TLN2: variants seen among roughly 807,000 people sequenced by gnomAD.
TLN2 encodes talin 2.
Under a neutral mutation model 294.7 loss-of-function variants are expected in TLN2, and 118 were observed. The ratio of observed to expected loss-of-function variants is 0.40; its 90% CI spans 0.34 to 0.47. TLN2 has a LOEUF of 0.47. TLN2 is among the 20% of genes least tolerant of loss of function. The probability of loss-of-function intolerance (pLI) is 0.84; values close to 1 mark genes in which losing one functional copy is unlikely to be tolerated. For missense variants in TLN2, 3,083 were observed against 3,282.2 expected (o/e 0.94, Z 1.48); for synonymous variants, 1,431 against 1,304.5 (o/e 1.10, Z -2.09).
At chr15:62,430,781 C>A (rs2140288611) in intron 1 of TLN2, among the ~76,000 whole-genome samples, 1 of 152,146 alleles carries the variant, frequency 6.6e-6, no homozygotes, top group East Asian at 1.9e-4. Context: ...AGGGAACAAT[C>A]CACAAGGTAA....
At chr15:62,552,322 G>A (rs924483852) in intron 1 of TLN2, among the ~76,000 whole-genome samples, 7 of 152,034 alleles carry the variant, frequency 4.6e-5, no homozygotes, top group South Asian at 2.1e-4. Flanking sequence ...CATTATTCAC[G>A]GATTCCATAT....
intron 2 of TLN2, among the ~76,000 whole-genome samples, chr15:62,617,962 C>CTTT (rs768055599): frequency 4.4e-5 from 6 of 136,132 alleles, no homozygotes; most frequent in Admixed American, 7.4e-5. Context: ...TCAGGCAATT[C>CTTT]TTTTTTTTTT....
At chr15:62,759,657 G>C (rs1353335762) in intron 37 of TLN2, among the ~76,000 whole-genome samples, 3 of 152,220 alleles carry the variant, frequency 2.0e-5, no homozygotes, top group African/African-American at 7.2e-5. Context: ...GAGGTAAGAA[G>C]CAGGAAGGGC....
rs2059876653 is a variant in TLN2 at position 62,717,758 on chromosome 15, C to T, written c.2877+69C>T. On this transcript the variant is annotated intron_variant, in intron 24 of 58. Transcript: ENST00000636159. ...CCTGATAACATTAGAACACCAAGTCCCCTGGTAGTTCAGTAAAGACAGATT... is the reference window on the plus strand; with the variant it reads ...CCTGATAACATTAGAACACCAAGTCTCCTGGTAGTTCAGTAAAGACAGATT... The T allele has an allele frequency of 3.5e-6, 4 of 1,132,598 alleles. No individual in the cohort carries two copies. The African/African-American group carries it at 4.7e-5, about 13-fold the overall frequency. 70.2% of individuals were successfully genotyped at this position (1,132,598 alleles called of 1,614,324 possible).
intron 26 of TLN2, 124 bp from the exon 27 acceptor site, chr15:62,724,852 G>C: frequency 8.0e-7 from 1 of 1,250,666 alleles, no homozygotes; most frequent in South Asian, 2.0e-5. Flanking sequence ...TGCTTTCCTT[G>C]CTCCTCCTGC....
chr15:62,825,852 T>TTTTA (rs1555522107), intron 54 of TLN2, among the ~76,000 whole-genome samples: 2 of 89,552 alleles, frequency 2.2e-5, no homozygotes, highest in Non-Finnish European at 3.8e-5. Context: ...TATAAATATA[T>TTTTA]TATATATATA....
At chr15:62,576,494 G>A (rs1009564527) in intron 1 of TLN2, among the ~76,000 whole-genome samples, 3 of 151,884 alleles carry the variant, frequency 2.0e-5, no homozygotes, top group Non-Finnish European at 4.4e-5. Context: ...GGGTAGACTG[G>A]CCATCTCATC....
chr15:62,394,051 C>G (rs549026890), intron 1 of TLN2, among the ~76,000 whole-genome samples: 1 of 152,358 alleles, frequency 6.6e-6, no homozygotes, highest in East Asian at 1.9e-4. Flanking sequence ...GCTGGGATTA[C>G]AGGCATGAGA....
rs139083430 is a variant in TLN2, at chr15:62,493,511, A to C, written c.-237-96176A>C. 2.1e-3 allele frequency among the ~76,000 whole-genome samples: 312 copies of C among 152,070 alleles called. 5 individuals are homozygous for C. The highest frequency in any genetic ancestry group is 7.3e-3 in the African/African-American group (303 of 41,478). The stretch of plus-strand genomic sequence containing the variant: ...TGGGTTTGAGCAGGTTATTGTCAGG[A>C]GTGTCTATTCTAAGCTTTCGTTACA... On this transcript the variant is annotated intron_variant, in intron 1 of 58. Coordinates refer to ENST00000636159, the MANE Select transcript of TLN2 (RefSeq NM_015059.3).
At chr15:62,757,733 G>A (rs905123738) in intron 37 of TLN2, among the ~76,000 whole-genome samples, 18 of 152,172 alleles carry the variant, frequency 1.2e-4, no homozygotes, top group African/African-American at 4.3e-4. Flanking sequence ...GTTGTAACGT[G>A]GAAAAGATAA....
At chr15:62,698,379 GTCTA>G (rs1490182403) in intron 15 of TLN2, among the ~76,000 whole-genome samples, 1 of 152,186 alleles carries the variant, frequency 6.6e-6, no homozygotes, top group Non-Finnish European at 1.5e-5. Context: ...GTCCTTAAGT[GTCTA>G]TCAGGAAGCA....
At chr15:62,639,123 T>C (rs1025714210) in intron 3 of TLN2, among the ~76,000 whole-genome samples, 4 of 152,208 alleles carry the variant, frequency 2.6e-5, no homozygotes, top group African/African-American at 9.6e-5. Context: ...GGCACTGTGA[T>C]AGGCCTTGAA....
chr15:62,693,242 G>T (rs919872819), intron 13 of TLN2, among the ~76,000 whole-genome samples: 2 of 152,176 alleles, frequency 1.3e-5, no homozygotes, highest in Non-Finnish European at 2.9e-5. Flanking sequence ...GGAGGCAGGA[G>T]AATCGCTTGA....
chr15:62,582,246 A>ACCCACACC (rs1555435710), intron 1 of TLN2, among the ~76,000 whole-genome samples: 2 of 137,240 alleles, frequency 1.5e-5, no homozygotes, highest in South Asian at 5.0e-4. Flanking sequence ...ACACACACAC[A>ACCCACACC]CATTCATGCC....
intron 1 of TLN2, among the ~76,000 whole-genome samples, chr15:62,473,693 T>G (rs1166489860): frequency 2.0e-5 from 3 of 152,256 alleles, no homozygotes; most frequent in Admixed American, 6.5e-5. Flanking sequence ...TCAAAGGTCA[T>G]ACTTCTCTTT....
intron 9 of TLN2, among the ~76,000 whole-genome samples, chr15:62,661,359 TATAG>T (rs2053807215): frequency 6.6e-6 from 1 of 152,124 alleles, no homozygotes; most frequent in Non-Finnish European, 1.5e-5. Context: ...CCTAAGAGAA[TATAG>T]ATAGACTGCA....
intron 1 of TLN2, among the ~76,000 whole-genome samples, chr15:62,480,588 A>T (rs12708473): frequency 6.6e-6 from 1 of 152,130 alleles, no homozygotes; most frequent in South Asian, 2.1e-4. Context: ...ACCTGTTGAT[A>T]TATTTAAAAA....
In TLN2 at chr15:62,454,409, G is replaced by A. The variant is rs116502456; in HGVS notation, c.-238+63724G>A. On this transcript the variant is annotated intron_variant, in intron 1 of 58. Transcript: ENST00000636159. The stretch of plus-strand genomic sequence containing the variant: ...AGTGCTTTTGCTTCCAGACCCATTG[G>A]AGGGGTCTGGTTGGGGCTTGGATGA... 4.3e-3 allele frequency among the ~76,000 whole-genome samples: 658 copies of A among 152,258 alleles called. 3 individuals are homozygous for A. The highest frequency in any genetic ancestry group is 0.015 in the African/African-American group (622 of 41,556).
chr15:62,502,334 C>T (rs76798624), intron 1 of TLN2, among the ~76,000 whole-genome samples: 16 of 152,352 alleles, frequency 1.1e-4, no homozygotes, highest in African/African-American at 3.6e-4. Context: ...AAGGTTTGAA[C>T]TGCTGACTTC....
Sources: gnomAD v4.1 joint callset for allele counts (sites outside exome capture counted in the v4.1 genomes callset) on GRCh38, gnomAD v4.1.1 for gene constraint, MANE v1.5 for transcripts, NCBI Gene and HGNC (gene_info 2026-07-23, HGNC 2026-07-21) for gene names.